The following GPR149 variants were observed in gnomAD, a reference collection of about 807,000 sequenced individuals.
The protein encoded by GPR149 is probable G protein-coupled receptor 149.
Under a neutral mutation model 50.2 loss-of-function variants are expected in GPR149, and 50 were observed. The observed-to-expected ratio is 1.00, with a 90% confidence interval of 0.79 to 1.26. The LOEUF (loss-of-function observed/expected upper bound fraction) is 1.26. Ranked by LOEUF, GPR149 falls within the 50% of genes most tolerant of loss-of-function variation. GPR149 has a pLI of 0.00. For missense variants in GPR149, 983 were observed against 895.4 expected (o/e 1.10, Z -1.25); for synonymous variants, 405 against 358.2 (o/e 1.13, Z -1.48).
At position 154,421,204 on chromosome 3, in the gene GPR149, G is replaced by C; in HGVS notation, c.1458C>G (p.Asn486Lys). The change falls in exon 3 of 4, where the codon AAC becomes AAG. Residue 486 changes from asparagine to lysine, a missense_variant. Physicochemically the swap from Asn to Lys is moderately conservative, Grantham distance 94. Transcript: ENST00000389740. ...TDITEAKQDS[N>K]NKKDAFSDKT... ...TGTCAGAAAACGCATCCTTTTTGTT[G>C]TTGGAATCCTGTTTAGCTTCTGTAA... The C allele has an allele frequency of 6.2e-7, 1 of 1,613,474 alleles. No homozygotes were observed. Among genetic ancestry groups the C allele is most frequent in the South Asian group, 1.1e-5 (1 of 91,066 alleles).
chr3:154,428,455 A>G (rs1399385396), intron 1 of GPR149, among the ~76,000 whole-genome samples, 180 bp downstream of exon 1: 3 of 152,158 alleles, frequency 2.0e-5, no homozygotes, highest in Non-Finnish European at 4.4e-5. Flanking sequence ...TTCGCAGCCA[A>G]CTAGCCCTGT....
At chr3:154,426,773 T>G (rs1249656680) in intron 2 of GPR149, among the ~76,000 whole-genome samples, 2 of 152,112 alleles carry the variant, frequency 1.3e-5, no homozygotes, top group African/African-American at 2.4e-5. Flanking sequence ...AGTAAATAAC[T>G]TGGCTAGATC....
rs1559991270 is a variant in GPR149 at position 154,421,383 on chromosome 3, A to G, written c.1279T>C (p.Tyr427His). Residue 427 changes from tyrosine to histidine, a missense_variant, in exon 3 of 4, where the codon TAT (tyrosine) becomes CAT (histidine). Coordinates refer to ENST00000389740, the MANE Select transcript of GPR149 (RefSeq NM_001038705.3). ...YYDDDENSIF[Y>H]HNLMNSECET... The stretch of plus-strand genomic sequence containing the variant: ...CACTCAGAGTTCATCAGGTTGTGAT[A>G]GAATATGGAATTTTCATCATCATCA... 2.5e-6 allele frequency: 4 copies of G among 1,612,526 alleles called. No individual in the cohort carries two copies. Among genetic ancestry groups the G allele is most frequent in the Non-Finnish European group, 2.5e-6 (3 of 1,178,934 alleles).
At chr3:154,382,524 A>C (rs950490766) in intron 3 of GPR149, among the ~76,000 whole-genome samples, 2 of 152,248 alleles carry the variant, frequency 1.3e-5, no homozygotes, top group African/African-American at 4.8e-5. Context: ...TCAAATGACC[A>C]CTTGATCAAA....
rs958019139 is a variant in GPR149, at chr3:154,428,776, G to A, written c.840C>T (p.Pro280=). ...TGCAGGCTTCAGCCCCAGCGGCAGC[G>A]GGCGCACCCGGTCCGAACACGGTGT... is the stretch of plus-strand genomic sequence containing the variant. The part of the protein sequence containing the change: ...SSDTVFGPGA[P]AAAGAEACRR... The change falls in exon 1 of 4, where the codon CCC becomes CCT. Residue 280 remains proline, a synonymous_variant. Transcript: ENST00000389740. 10 of 1,613,762 alleles carry A rather than the reference G, an allele frequency of 6.2e-6. No homozygotes were observed. The African/African-American group carries it at 9.3e-5, about 15-fold the overall frequency.
intron 3 of GPR149, chr3:154,352,209 C>T (rs557739715): frequency 3.6e-5 from 33 of 907,664 alleles, no homozygotes; most frequent in Non-Finnish European, 5.4e-5. Context: ...ACCATCTTGT[C>T]GACTTCCTGA....
At chr3:154,383,964 A>T (rs1240208304) in intron 3 of GPR149, among the ~76,000 whole-genome samples, 1 of 152,080 alleles carries the variant, frequency 6.6e-6, no homozygotes, top group African/African-American at 2.4e-5. Flanking sequence ...TTGATCTTGG[A>T]CTTTCCAGCC....
chr3:154,353,797 C>T (rs894458931), intron 3 of GPR149: 64 of 700,844 alleles, frequency 9.1e-5, no homozygotes, highest in Non-Finnish European at 1.4e-4. Flanking sequence ...TGTCCATGCT[C>T]GAGCTATTAA....
intron 3 of GPR149, among the ~76,000 whole-genome samples, chr3:154,365,130 GC>G (rs1407087172): frequency 1.3e-5 from 2 of 152,208 alleles, no homozygotes; most frequent in Admixed American, 1.3e-4. Flanking sequence ...TACCTCCACA[GC>G]TTGTGTACTT....
chr3:154,363,234 T>C (rs1350311148), intron 3 of GPR149, among the ~76,000 whole-genome samples: 1 of 152,146 alleles, frequency 6.6e-6, no homozygotes, highest in African/African-American at 2.4e-5. Context: ...AGAAAAATTA[T>C]ATTTTTGCAA....
intron 3 of GPR149, among the ~76,000 whole-genome samples, chr3:154,344,592 C>T (rs1476126368): frequency 6.6e-6 from 1 of 152,098 alleles, no homozygotes. Context: ...GAAGATGGGC[C>T]TTATCCAATG....
intron 3 of GPR149, among the ~76,000 whole-genome samples, chr3:154,405,501 T>A (rs993324470): frequency 5.5e-5 from 8 of 144,244 alleles, no homozygotes; most frequent in African/African-American, 1.0e-4. Context: ...AGCAGGAAAA[T>A]CACTTGAACC....
intron 3 of GPR149, among the ~76,000 whole-genome samples, chr3:154,413,937 T>A (rs1711913311): frequency 1.0e-5 from 1 of 99,124 alleles, no homozygotes; most frequent in South Asian, 3.3e-4. Flanking sequence ...GATAAAGAAA[T>A]TGTAGTATAT....
chr3:154,388,071 A>G (rs1715084996), intron 3 of GPR149, among the ~76,000 whole-genome samples: 3 of 152,230 alleles, frequency 2.0e-5, no homozygotes, highest in Admixed American at 2.0e-4. Flanking sequence ...GCAGGAAAGC[A>G]TATTGATATG....
intron 3 of GPR149, among the ~76,000 whole-genome samples, chr3:154,400,413 C>T (rs1292765277): frequency 6.6e-6 from 1 of 152,138 alleles, no homozygotes; most frequent in Non-Finnish European, 1.5e-5. Flanking sequence ...GTGGTTGTGT[C>T]AATGGGTAAC....
intron 2 of GPR149, among the ~76,000 whole-genome samples, chr3:154,423,502 G>C (rs1429563145): frequency 6.6e-6 from 1 of 151,874 alleles, no homozygotes; most frequent in Non-Finnish European, 1.5e-5. Context: ...TAATTATGAA[G>C]TGTAATCAAT....
In GPR149 at chr3:154,421,327, G is replaced by A. The variant is rs1336071986; in HGVS notation, c.1335C>T (p.Asn445=). 6.2e-7 allele frequency: 1 copy of A among 1,613,310 alleles called. No individual in the cohort carries two copies. The highest frequency in any genetic ancestry group is 8.5e-7 in the Non-Finnish European group (1 of 1,179,458). ...CETTKDPQRD[N]RNIFNAIKVE... The stretch of plus-strand genomic sequence containing the variant: ...CTTTTATAGCATTGAAGATGTTACG[G>A]TTGTCTCTCTGAGGGTCTTTTGTAG... The change falls in exon 3 of 4, where the codon AAC becomes AAT. Residue 445 remains asparagine, a synonymous_variant. Coordinates refer to ENST00000389740, the MANE Select transcript of GPR149 (RefSeq NM_001038705.3).
intron 3 of GPR149, among the ~76,000 whole-genome samples, chr3:154,343,107 T>C (rs1337000277): frequency 6.6e-6 from 1 of 152,186 alleles, no homozygotes; most frequent in African/African-American, 2.4e-5. Context: ...TTGTAAGATA[T>C]AAAAGCAAGC....
rs1310696240 is a variant in GPR149 at position 154,428,921 on chromosome 3, A to G, written c.695T>C (p.Ile232Thr). ...CCCAGGAATTGAAGCTCCACGGGAA[A>G]TTTCCTGGTAGTTGGAGTGGAGTCT... Reference protein sequence around the residue: ...PPRLHSNYQEISRGASIPGTP... With the variant: ...PPRLHSNYQETSRGASIPGTP... Residue 232 changes from isoleucine to threonine, a missense_variant, in exon 1 of 4, where the codon ATT (isoleucine) becomes ACT (threonine). Coordinates refer to ENST00000389740, the MANE Select transcript of GPR149 (RefSeq NM_001038705.3). The G allele has an allele frequency of 6.2e-6, 10 of 1,613,896 alleles. No homozygotes were observed. The South Asian group carries it at 6.6e-5, about 11-fold the overall frequency.
Sources: gnomAD v4.1 joint callset for allele counts (sites outside exome capture counted in the v4.1 genomes callset) on GRCh38, gnomAD v4.1.1 for gene constraint, MANE v1.5 for transcripts, NCBI Gene and HGNC (gene_info 2026-07-23, HGNC 2026-07-21) for gene names.